Variants in XDH observed in about 807,000 individuals in gnomAD.
XDH encodes the protein xanthine dehydrogenase/oxidase.
A neutral mutation model predicts 156.1 loss-of-function variants in XDH; 138 were observed. That is an observed-to-expected ratio of 0.88 (90% CI 0.77 to 1.02). The LOEUF is 1.02. Among genes scored for constraint, XDH ranks in the 50% least tolerant of loss-of-function variants. XDH has a pLI of 0.00. For synonymous variants in XDH, 669 were observed against 625.7 expected, an observed-to-expected ratio of 1.07 and a Z score of -1.03; for missense variants, 1,849 against 1,684.9, an observed-to-expected ratio of 1.10 and a Z score of -1.71.
intron 25 of XDH, 38 bp from the exon 26 acceptor site, chr2:31,349,869 C>T: frequency 6.2e-7 from 1 of 1,612,870 alleles, no homozygotes; most frequent in Non-Finnish European, 8.5e-7. Context: ...TTGTTGGCGG[C>T]AAGAGACTGT....
chr2:31,393,219 TA>T (rs1448009378), intron 6 of XDH, among the ~76,000 whole-genome samples: 3 of 152,252 alleles, frequency 2.0e-5, no homozygotes, highest in African/African-American at 7.2e-5. Flanking sequence ...CCATTTCTGA[TA>T]TAAGGGTGTT....
At chr2:31,359,474 T>TA (rs1341231730) in intron 24 of XDH, among the ~76,000 whole-genome samples, 1 of 152,000 alleles carries the variant, frequency 6.6e-6, no homozygotes, top group Non-Finnish European at 1.5e-5. Context: ...TCCAAGGGCA[T>TA]AATATCAAAG....
intron 5 of XDH, 93 bp downstream of exon 5, chr2:31,398,480 A>C: frequency 6.3e-7 from 1 of 1,596,540 alleles, no homozygotes; most frequent in Non-Finnish European, 8.6e-7. Context: ...TCCAAAGGGT[A>C]GTCCCTCATG....
chr2:31,356,792 C>T (rs1265889640), intron 24 of XDH, among the ~76,000 whole-genome samples: 1 of 152,158 alleles, frequency 6.6e-6, no homozygotes, highest in Non-Finnish European at 1.5e-5. Flanking sequence ...GCTTAGGTGC[C>T]CGTGGAACTT....
Position 31,370,386 on chromosome 2 carries a change from C to A in XDH, c.1949G>T (p.Cys650Phe), listed in dbSNP as rs1457264071. The A allele has an allele frequency of 1.2e-6, 2 of 1,614,186 alleles. No homozygotes were observed. The highest frequency in any genetic ancestry group is 1.1e-5 in the South Asian group (1 of 91,082). Reference sequence around the variant, plus strand: ...CTTCGCAAAGACTGTCTCATCATTACAAATTCCAGTTATGTTACTCCCAGG... The same window carrying A: ...CTTCGCAAAGACTGTCTCATCATTAAAAATTCCAGTTATGTTACTCCCAGG... ...DVPGSNITGI[C>F]NDETVFAKDK... The change falls in exon 18 of 36, where the codon TGT (cysteine) becomes TTT (phenylalanine). Residue 650 changes from cysteine to phenylalanine, a missense_variant. Physicochemically the swap from Cys to Phe is radical, Grantham distance 205. Coordinates refer to ENST00000379416, the MANE Select transcript of XDH (RefSeq NM_000379.4).
At chr2:31,377,884 G>A (rs1376050745) in intron 13 of XDH, among the ~76,000 whole-genome samples, 1 of 151,370 alleles carries the variant, frequency 6.6e-6, no homozygotes, top group Admixed American at 6.6e-5. Context: ...AGCCAGGTGT[G>A]GTGGTGCACA....
intron 13 of XDH, among the ~76,000 whole-genome samples, chr2:31,378,282 G>T (rs1025950141): frequency 6.6e-6 from 1 of 151,968 alleles, no homozygotes; most frequent in African/African-American, 2.4e-5. Flanking sequence ...TCCTTCCTGG[G>T]TTCGAGCCAG....
chr2:31,410,106 G>A (rs1389477476), intron 1 of XDH, among the ~76,000 whole-genome samples: 1 of 152,186 alleles, frequency 6.6e-6, no homozygotes, highest in East Asian at 1.9e-4. Context: ...TGAACATTAT[G>A]CTAAATGAAA....
At chr2:31,366,796 A>T (rs1389229909) in intron 21 of XDH, 74 bp downstream of exon 21, 5 of 1,610,474 alleles carry the variant, frequency 3.1e-6, no homozygotes, top group East Asian at 2.2e-5. Flanking sequence ...CCTATTTCCC[A>T]CATGGCCCTC....
chr2:31,381,715 C>G lies in XDH; in HGVS notation c.1050G>C (p.Gly350=), dbSNP rs772619207. Residue 350 remains glycine (G), a synonymous_variant, in exon 12 of 36, where the codon GGG becomes GGC. Coordinates refer to ENST00000379416, the MANE Select transcript of XDH (RefSeq NM_000379.4). ...KQVKSVASVG[G]NIITASPISD... is the part of the protein sequence containing the mutation. ...AGATGGGGCTGGCAGTGATGATGTTCCCTCCAACGGACTAAAACAAGCAGA... is the reference window on the plus strand; with the variant it reads ...AGATGGGGCTGGCAGTGATGATGTTGCCTCCAACGGACTAAAACAAGCAGA... The G allele has an allele frequency of 8.7e-6, 14 of 1,613,308 alleles. No individual in the cohort carries two copies. In the East Asian group the frequency reaches 3.1e-4, roughly 36 times the overall value.
Position 31,383,829 on chromosome 2 carries a change from T to C in XDH, c.812A>G (p.Lys271Arg). 2 of 1,614,102 alleles carry C rather than the reference T, an allele frequency of 1.2e-6. No individual in the cohort carries two copies. The highest frequency in any genetic ancestry group is 1.7e-6 in the Non-Finnish European group (2 of 1,180,018). The change falls in exon 10 of 36, where the codon AAG becomes AGG. Residue 271 changes from lysine to arginine, a missense_variant. Coordinates refer to ENST00000379416, the MANE Select transcript of XDH (RefSeq NM_000379.4). ...GACAATCATAGGAAACAGCATATTCTTGAACTTCATCTCAATGCCTAGAGA... is the reference window on the plus strand; with the variant it reads ...GACAATCATAGGAAACAGCATATTCCTGAACTTCATCTCAATGCCTAGAGA... The part of the protein sequence containing the change: ...NTEIGIEMKF[K>R]NMLFPMIVCP...
intron 6 of XDH, among the ~76,000 whole-genome samples, chr2:31,396,202 G>A (rs1686898937): frequency 6.6e-6 from 1 of 152,210 alleles, no homozygotes; most frequent in Admixed American, 6.5e-5. Context: ...CTGCACTGCA[G>A]GGTAGCTGAA....
At position 31,372,267 on chromosome 2, in the gene XDH, A is replaced by G. The variant is rs779502973; in HGVS notation, c.1817T>C (p.Leu606Pro). Residue 606 changes from leucine (L) to proline (P), a missense_variant, in exon 17 of 36, where the codon CTC becomes CCC. By Grantham distance (98) the Leu-to-Pro change is moderately conservative (BLOSUM62 -3). Transcript: ENST00000379416. ...DIPRYENELSLRLVTSTRAHA... is the reference protein window; with the variant it reads ...DIPRYENELSPRLVTSTRAHA... ...GGCCCGGGTGCTGGTGACCAGCCGG[A>G]GAGACAGCTCATTCTCGTAGCGAGG... The G allele has an allele frequency of 3.6e-5, 58 of 1,614,100 alleles. No homozygotes were observed. Among genetic ancestry groups the G allele is most frequent in the Non-Finnish European group, 4.7e-5 (55 of 1,180,044 alleles).
At chr2:31,412,430 A>G (rs1406662386) in intron 1 of XDH, among the ~76,000 whole-genome samples, 1 of 151,558 alleles carries the variant, frequency 6.6e-6, no homozygotes, top group Non-Finnish European at 1.5e-5. Context: ...GGAATTGAAC[A>G]ATGAGAACAC....
At chr2:31,406,150 T>A (rs1687187069) in intron 1 of XDH, among the ~76,000 whole-genome samples, 186 bp from the exon 2 acceptor site, 1 of 152,186 alleles carries the variant, frequency 6.6e-6, no homozygotes. Context: ...TGGGGCCTAG[T>A]GGGAAGCAAT....
At chr2:31,340,562 C>A (rs1232369695) in intron 33 of XDH, among the ~76,000 whole-genome samples, 1 of 152,046 alleles carries the variant, frequency 6.6e-6, no homozygotes, top group Admixed American at 6.5e-5. Flanking sequence ...CTCCACCTCC[C>A]AGGTTCAAGC....
intron 5 of XDH, 57 bp from the exon 6 acceptor site, chr2:31,397,786 G>A: frequency 6.2e-7 from 1 of 1,604,580 alleles, no homozygotes; most frequent in South Asian, 1.1e-5. Flanking sequence ...TGGGTGAGGA[G>A]TTTGTGACTT....
rs72549365 is a variant in XDH at position 31,348,923 on chromosome 2, G to A, written c.3027C>T (p.Ser1009=). ...CCTGATTCAGAAAAGGAACTGTAAA[G>A]CTTATTCCAAACTTGGTGGGAATTA... ...LCIIPTKFGI[S]FTVPFLNQAG... The change falls in exon 27 of 36, where the codon AGC becomes AGT. Residue 1009 remains serine, a synonymous_variant. Transcript: ENST00000379416. The A allele has an allele frequency of 1.9e-6, 3 of 1,613,334 alleles. No homozygotes were observed. In the East Asian group the frequency reaches 6.7e-5, roughly 36 times the overall value.
intron 25 of XDH, 59 bp from the exon 26 acceptor site, chr2:31,349,890 C>T: frequency 6.2e-7 from 1 of 1,612,350 alleles, no homozygotes; most frequent in South Asian, 1.1e-5. Context: ...GGGGGCAGGG[C>T]ACAACCTAAA....
Sources: gnomAD v4.1 joint callset for allele counts (sites outside exome capture counted in the v4.1 genomes callset) on GRCh38, gnomAD v4.1.1 for gene constraint, MANE v1.5 for transcripts, NCBI Gene and HGNC (gene_info 2026-07-23, HGNC 2026-07-21) for gene names.